Variants in TUT4 observed in about 807,000 individuals in gnomAD.
TUT4 encodes terminal uridylyltransferase 4.
A neutral mutation model predicts 192.2 loss-of-function variants in TUT4; 36 were observed. That is an observed-to-expected ratio of 0.19 (90% CI 0.14 to 0.25). TUT4 has a LOEUF of 0.25. Ranked by LOEUF, TUT4 falls within the 10% of genes least tolerant of loss-of-function variation. The probability of loss-of-function intolerance (pLI) is 1.00; values close to 1 mark genes in which losing one functional copy is unlikely to be tolerated. For missense variants in TUT4, 1,493 were observed against 1,957.2 expected (o/e 0.76, Z 4.47); for synonymous variants, 618 against 666.0 (o/e 0.93, Z 1.11).
Position 52,460,372 on chromosome 1 carries a change from C to T in TUT4, c.3321+762G>A, listed in dbSNP as rs545802710. 2.0e-5 allele frequency among the ~76,000 whole-genome samples: 3 copies of T among 152,158 alleles called. No homozygotes were observed. The South Asian group carries it at 6.2e-4, about 32-fold the overall frequency. On this transcript the variant is annotated intron_variant, in intron 19 of 29. Transcript: ENST00000257177. ...TGGTGAATGCCTGTAATCCCAGCTA[C>T]TTGGGAGGCTGAGGCAGGAGAATCG...
chr1:52,481,683 A>G, intron 10 of TUT4, 48 bp from the exon 11 acceptor site: 2 of 1,555,352 alleles, frequency 1.3e-6, no homozygotes, highest in Non-Finnish European at 1.7e-6. Context: ...TTATTTAAAA[A>G]AAAAAAAAAA....
chr1:52,465,027 T>C (rs927583187), intron 16 of TUT4, 43 bp downstream of exon 16: 2 of 1,455,990 alleles, frequency 1.4e-6, no homozygotes, highest in Non-Finnish European at 1.9e-6. Flanking sequence ...GAATCGTCAT[T>C]GGGAGAAAAT....
chr1:52,514,965 AC>A (rs1263637408), intron 3 of TUT4: 1 of 152,078 alleles, frequency 6.6e-6, no homozygotes. Flanking sequence ...TTTAGTAGAG[AC>A]GGGGTTTCAC....
intron 20 of TUT4, among the ~76,000 whole-genome samples, chr1:52,457,607 A>T (rs546765521): frequency 8.9e-4 from 136 of 152,310 alleles, no homozygotes; most frequent in African/African-American, 3.2e-3. Flanking sequence ...TTTCCAACCA[A>T]GTCTGATGCT....
intron 13 of TUT4, among the ~76,000 whole-genome samples, chr1:52,473,020 G>A (rs1452426850): frequency 6.6e-6 from 1 of 151,992 alleles, no homozygotes; most frequent in Non-Finnish European, 1.5e-5. Flanking sequence ...TTTAAAAAAT[G>A]ACATATTTAG....
At chr1:52,457,361 G>A (rs1157049424) in intron 20 of TUT4, among the ~76,000 whole-genome samples, 2 of 151,556 alleles carry the variant, frequency 1.3e-5, no homozygotes, top group East Asian at 1.9e-4. Flanking sequence ...TCAGTCTCCC[G>A]AGTAGCTGGG....
Position 52,526,107 on chromosome 1 carries a change from A to AT in TUT4, c.173dup (p.Asn58LysfsTer2). 3.1e-6 allele frequency: 5 copies of AT among 1,608,124 alleles called. No homozygotes were observed. Among genetic ancestry groups the AT allele is most frequent in the African/African-American group, 1.3e-5 (1 of 74,526 alleles). Reference sequence around the variant, plus strand: ...TTTCTATACAAATATCATTTTGCTTATTTTTTTTACTACTATTCCTATTTG... The same window carrying AT: ...TTTCTATACAAATATCATTTTGCTTATTTTTTTTTACTACTATTCCTATTTG... On this transcript the variant is annotated frameshift_variant, in exon 2 of 30. Transcript: ENST00000257177. LOFTEE classifies it high-confidence loss of function.
intron 11 of TUT4, among the ~76,000 whole-genome samples, chr1:52,478,745 C>T (rs1222157601): frequency 6.6e-6 from 1 of 152,104 alleles, no homozygotes; most frequent in East Asian, 1.9e-4. Context: ...AAAGAATTAG[C>T]TAGATGAAAC....
chr1:52,498,937 T>C (rs1673306517), intron 4 of TUT4, among the ~76,000 whole-genome samples: 1 of 87,826 alleles, frequency 1.1e-5, no homozygotes, highest in Non-Finnish European at 2.4e-5. Flanking sequence ...TATATATATA[T>C]ATATATATAT....
intron 4 of TUT4, among the ~76,000 whole-genome samples, chr1:52,502,125 TACC>T (rs1674281382): frequency 6.7e-6 from 1 of 148,278 alleles, no homozygotes; most frequent in Non-Finnish European, 1.5e-5. Flanking sequence ...ATATATATTT[TACC>T]ACAATAAAAA....
rs774988700 is a variant in TUT4, at chr1:52,515,795, T to C, written c.882+96A>G. ...TAAGGAAAGATGAATGCAACCTCTG[T>C]CTTATGAATAAAAGAAAAATAAAAA... On this transcript the variant is annotated intron_variant, in intron 3 of 29. Transcript: ENST00000257177. 5.6e-6 allele frequency: 8 copies of C among 1,429,560 alleles called. No individual in the cohort carries two copies. In the African/African-American group the frequency reaches 1.1e-4, roughly 20 times the overall value. 88.6% of individuals were successfully genotyped at this position (1,429,560 alleles called of 1,614,324 possible).
At position 52,475,188 on chromosome 1, in the gene TUT4, C is replaced by T; in HGVS notation, c.2371G>A (p.Ala791Thr). 6.2e-7 allele frequency: 1 copy of T among 1,614,128 alleles called. No homozygotes were observed. Among genetic ancestry groups the T allele is most frequent in the Middle Eastern group, 1.6e-4 (1 of 6,062 alleles). ...NNLLVNELDF[A>T]DHGQDSSSLS... Reference sequence around the variant, plus strand: ...GATGAAGAGTCCTGTCCGTGGTCAGCAAAATCTAGTTCATTTACCAACAAA... The same window carrying T: ...GATGAAGAGTCCTGTCCGTGGTCAGTAAAATCTAGTTCATTTACCAACAAA... The change falls in exon 13 of 30, where the codon GCT becomes ACT. Residue 791 changes from alanine to threonine, a missense_variant. Transcript: ENST00000257177.
At chr1:52,494,456 C>A (rs1671958692) in intron 6 of TUT4, among the ~76,000 whole-genome samples, 1 of 152,174 alleles carries the variant, frequency 6.6e-6, no homozygotes, top group Admixed American at 6.5e-5. Flanking sequence ...CATTGGGAGG[C>A]CGAGGCAGGC....
chr1:52,520,129 T>C (rs1224890490), intron 2 of TUT4, among the ~76,000 whole-genome samples: 1 of 152,188 alleles, frequency 6.6e-6, no homozygotes, highest in African/African-American at 2.4e-5. Flanking sequence ...TGGATATCTA[T>C]CTTCTCAGTT....
At chr1:52,479,302 G>A (rs1285379112) in intron 11 of TUT4, among the ~76,000 whole-genome samples, 1 of 152,082 alleles carries the variant, frequency 6.6e-6, no homozygotes, top group African/African-American at 2.4e-5. Flanking sequence ...GAGAGGGAAG[G>A]GCATGATCTG....
intron 24 of TUT4, 151 bp from the exon 25 acceptor site, chr1:52,438,486 T>C (rs1193616216): frequency 1.9e-5 from 11 of 594,212 alleles, no homozygotes; most frequent in African/African-American, 3.8e-5. Flanking sequence ...GATATGAAAA[T>C]AAGATTCACA....
chr1:52,547,600 T>C (rs956570336), intron 1 of TUT4, among the ~76,000 whole-genome samples: 12 of 152,130 alleles, frequency 7.9e-5, no homozygotes, highest in African/African-American at 2.9e-4. Flanking sequence ...CCATTCCTTA[T>C]AGGCAAAAAG....
intron 16 of TUT4, chr1:52,462,008 G>C (rs1184438016): frequency 3.0e-6 from 1 of 338,410 alleles, no homozygotes; most frequent in Non-Finnish European, 5.4e-6. Context: ...ATTTTAACAG[G>C]ATCCCAAGGT....
intron 3 of TUT4, 91 bp downstream of exon 3, chr1:52,515,800 T>C (rs762331007): frequency 2.7e-6 from 4 of 1,473,924 alleles, no homozygotes; most frequent in African/African-American, 1.4e-5. Context: ...CTCTGTCTTA[T>C]GAATAAAAGA....
Sources: gnomAD v4.1 joint callset for allele counts (sites outside exome capture counted in the v4.1 genomes callset) on GRCh38, gnomAD v4.1.1 for gene constraint, MANE v1.5 for transcripts, NCBI Gene and HGNC (gene_info 2026-07-23, HGNC 2026-07-21) for gene names.